POU6F2: variants seen among roughly 807,000 people sequenced by gnomAD.
POU6F2 encodes the protein POU class 6 homeobox 2, also known as POU domain, class 6, transcription factor 2.
In POU6F2, 31 loss-of-function variants were observed where a neutral mutation model predicts 71.3. The observed-to-expected ratio is 0.43, with a 90% CI of 0.33 to 0.59. POU6F2 has a LOEUF of 0.59. POU6F2 is among the 20% of genes least tolerant of loss of function. The pLI is 0.04. For missense variants in POU6F2, 783 were observed against 856.8 expected, an observed-to-expected ratio of 0.91 and a Z score of 1.07; for synonymous variants, 347 against 355.7, an observed-to-expected ratio of 0.98 and a Z score of 0.27.
At chr7:39,159,594 C>A (rs1015930577) in intron 2 of POU6F2, among the ~76,000 whole-genome samples, 2 of 152,094 alleles carry the variant, frequency 1.3e-5, no homozygotes, top group Non-Finnish European at 2.9e-5. Flanking sequence ...TTATTGCATA[C>A]CTACTCTGTG....
chr7:39,456,450 C>A, intron 8 of POU6F2, among the ~76,000 whole-genome samples: 1 of 152,244 alleles, frequency 6.6e-6, no homozygotes, highest in South Asian at 2.1e-4. Flanking sequence ...GAAACAACCT[C>A]AAGAGTTTAA....
chr7:39,119,573 A>G (rs1053497832), intron 2 of POU6F2, among the ~76,000 whole-genome samples: 10 of 152,300 alleles, frequency 6.6e-5, no homozygotes, highest in African/African-American at 2.4e-4. Context: ...AGTGGCTAAA[A>G]TAGATAATCA....
chr7:39,124,154 C>G (rs148251635), intron 2 of POU6F2, among the ~76,000 whole-genome samples: 1 of 148,362 alleles, frequency 6.7e-6, no homozygotes, highest in Non-Finnish European at 1.5e-5. Context: ...TCAAGTGATT[C>G]TCCTGCCTCA....
intron 2 of POU6F2, among the ~76,000 whole-genome samples, chr7:39,177,022 A>G (rs1165839072): frequency 6.6e-6 from 1 of 152,210 alleles, no homozygotes; most frequent in Non-Finnish European, 1.5e-5. Context: ...CTTCTATGCT[A>G]TGGCTCACTC....
At position 39,466,870 on chromosome 7, in the gene POU6F2, T is replaced by C. The variant is rs1163566407; in HGVS notation, c.*2184T>C. The C allele has an allele frequency of 6.6e-6, 1 of 152,316 alleles. No individual in the cohort carries two copies. Among genetic ancestry groups the C allele is most frequent in the African/African-American group, 2.4e-5 (1 of 41,434 alleles). 9.4% of individuals were successfully genotyped at this position (152,316 alleles called of 1,614,324 possible). A position where few individuals can be genotyped will look rare whatever the true frequency, so the allele number is the denominator to read the frequency against. ...CGCCACCTCAAAAACTGCACAAACA[T>C]GGACAACCCAGAAACCCAAAACTTT... On this transcript the variant is annotated 3_prime_UTR_variant, in exon 10 of 10. Transcript: ENST00000518318.
chr7:39,090,040 G>A (rs1431675915), intron 2 of POU6F2, among the ~76,000 whole-genome samples: 1 of 151,744 alleles, frequency 6.6e-6, no homozygotes, highest in Admixed American at 6.6e-5. Flanking sequence ...CCACGTATAA[G>A]CATTGCATCC....
At chr7:39,159,710 A>C (rs936451183) in intron 2 of POU6F2, among the ~76,000 whole-genome samples, 5 of 152,134 alleles carry the variant, frequency 3.3e-5, no homozygotes, top group Non-Finnish European at 7.3e-5. Flanking sequence ...ATAGTAACAG[A>C]AGGGATGTAA....
chr7:39,197,318 C>A (rs1271617993), intron 2 of POU6F2, among the ~76,000 whole-genome samples: 3 of 152,236 alleles, frequency 2.0e-5, no homozygotes, highest in Non-Finnish European at 2.9e-5. Context: ...AGGTCTCCAA[C>A]ACATCCCAGC....
intron 7 of POU6F2, among the ~76,000 whole-genome samples, chr7:39,440,907 G>T (rs567109594): frequency 1.3e-5 from 2 of 152,250 alleles, no homozygotes; most frequent in Non-Finnish European, 2.9e-5. Flanking sequence ...TGTTGTTGTT[G>T]TTGCTTTCTG....
rs544111708 is a variant in POU6F2, at chr7:39,003,366, T to C, written c.105+25308T>C. 1.3e-3 allele frequency among the ~76,000 whole-genome samples: 192 copies of C among 152,122 alleles called. 1 individual carries two copies. The highest frequency in any genetic ancestry group is 4.5e-3 in the African/African-American group (186 of 41,522). On this transcript the variant is annotated intron_variant, in intron 1 of 9. Transcript: ENST00000518318. ...CACCTTTGATCTAGTAATTCTACTTTTAGGAAATACTCAGCGACCTGGATA... is the reference window on the plus strand; with the variant it reads ...CACCTTTGATCTAGTAATTCTACTTCTAGGAAATACTCAGCGACCTGGATA...
intron 2 of POU6F2, among the ~76,000 whole-genome samples, chr7:39,198,154 T>C (rs780350976): frequency 2.1e-4 from 32 of 152,176 alleles, no homozygotes; most frequent in Admixed American, 1.1e-3. Flanking sequence ...TTTTATTAGA[T>C]AGATGTGAAA....
At chr7:39,229,808 G>A (rs181024548) in intron 4 of POU6F2, among the ~76,000 whole-genome samples, 155 of 152,256 alleles carry the variant, frequency 1.0e-3, no homozygotes, top group African/African-American at 3.6e-3. Flanking sequence ...GTGTAATCCT[G>A]GACATTGGGA....
At chr7:39,425,125 G>A (rs1417195074) in intron 6 of POU6F2, among the ~76,000 whole-genome samples, 1 of 151,906 alleles carries the variant, frequency 6.6e-6, no homozygotes, top group Non-Finnish European at 1.5e-5. Context: ...TTCCCATAAA[G>A]CACTTTTGGA....
At chr7:39,261,089 A>ACACC (rs1485825730) in intron 4 of POU6F2, among the ~76,000 whole-genome samples, 1 of 133,554 alleles carries the variant, frequency 7.5e-6, no homozygotes, top group Non-Finnish European at 1.6e-5. Context: ...ACACACACAC[A>ACACC]CACCCCACGC....
chr7:39,258,947 C>T (rs4294089), intron 4 of POU6F2, among the ~76,000 whole-genome samples: 33,989 of 152,084 alleles, frequency 0.22, 4,103 homozygotes, highest in East Asian at 0.45. Context: ...TATAACGTAG[C>T]GTTCTGGGTG....
chr7:39,031,878 C>CAA (rs199859333), intron 1 of POU6F2, among the ~76,000 whole-genome samples: 23 of 141,920 alleles, frequency 1.6e-4, no homozygotes, highest in African/African-American at 5.4e-4. Flanking sequence ...GAGACTGCCT[C>CAA]AAAAAAAAAA....
intron 8 of POU6F2, among the ~76,000 whole-genome samples, chr7:39,454,718 AT>A (rs1788757498): frequency 2.2e-5 from 2 of 89,300 alleles, no homozygotes; most frequent in Non-Finnish European, 4.4e-5. Context: ...ATATATATAT[AT>A]ATATATATAA....
At chr7:39,350,365 A>G (rs1327817884) in intron 5 of POU6F2, among the ~76,000 whole-genome samples, 1 of 152,168 alleles carries the variant, frequency 6.6e-6, no homozygotes, top group Non-Finnish European at 1.5e-5. Flanking sequence ...AAACCCTCTC[A>G]CTTCCCCCAA....
chr7:39,079,851 G>A (rs1026852903), intron 1 of POU6F2, among the ~76,000 whole-genome samples: 6 of 152,238 alleles, frequency 3.9e-5, no homozygotes, highest in African/African-American at 1.2e-4. Flanking sequence ...GCATGTATAC[G>A]CTTTATAGTG....
Sources: allele counts gnomAD v4.1 joint callset (sites outside exome capture counted in the v4.1 genomes callset), GRCh38; gene constraint gnomAD v4.1.1; transcripts MANE v1.5; gene names NCBI Gene and HGNC (gene_info 2026-07-23, HGNC 2026-07-21).